RCAN2: variants seen among roughly 807,000 people sequenced by gnomAD.
RCAN2 encodes calcipressin-2.
RCAN2 carries 9 observed loss-of-function variants against 23.6 expected under a neutral mutation model. That is an observed-to-expected ratio of 0.38 (90% CI 0.23 to 0.67). RCAN2 has a LOEUF of 0.67. Ranked by LOEUF, RCAN2 falls within the 30% of genes least tolerant of loss-of-function variation. RCAN2 has a pLI of 0.51. For synonymous variants in RCAN2, 109 were observed against 115.7 expected (o/e 0.94, Z 0.37); for missense variants, 273 against 302.3 (o/e 0.90, Z 0.72).
At chr6:46,335,343 C>T (rs1231976786) in intron 2 of RCAN2, among the ~76,000 whole-genome samples, 1 of 152,178 alleles carries the variant, frequency 6.6e-6, no homozygotes, top group Non-Finnish European at 1.5e-5. Flanking sequence ...TTCAACTCTT[C>T]CTTTGGTTAT....
chr6:46,386,521 T>C (rs1427528920), intron 2 of RCAN2, among the ~76,000 whole-genome samples: 3 of 150,030 alleles, frequency 2.0e-5, no homozygotes, highest in Admixed American at 6.7e-5. Context: ...GGCAGGAGAA[T>C]TGCTTGAACT....
rs1764544377 is a variant in RCAN2, at chr6:46,348,141, A to G, written c.226-99245T>C. 2.0e-5 allele frequency among the ~76,000 whole-genome samples: 3 copies of G among 152,146 alleles called. No individual in the cohort carries two copies. The South Asian group carries it at 6.2e-4, about 32-fold the overall frequency. On this transcript the variant is annotated intron_variant, in intron 2 of 4. Transcript: ENST00000371374. Reference sequence around the variant, plus strand: ...TGAAATCATGTTTGTGTCTCTTTTTATGTTAAGGAAATTAAATAACCATTT... The same window carrying G: ...TGAAATCATGTTTGTGTCTCTTTTTGTGTTAAGGAAATTAAATAACCATTT...
chr6:46,459,351 A>T (rs1047469462), intron 1 of RCAN2, among the ~76,000 whole-genome samples: 2 of 152,250 alleles, frequency 1.3e-5, no homozygotes, highest in Non-Finnish European at 2.9e-5. Context: ...TGTTGTAAGA[A>T]TGTTTCAATT....
At chr6:46,314,862 A>G (rs994218615) in intron 2 of RCAN2, among the ~76,000 whole-genome samples, 17 of 152,116 alleles carry the variant, frequency 1.1e-4, no homozygotes, top group South Asian at 8.3e-4. Context: ...GGAGTTCAAG[A>G]CCAGCCTGGG....
intron 4 of RCAN2, among the ~76,000 whole-genome samples, chr6:46,229,659 T>G (rs1765808602): frequency 6.6e-6 from 1 of 152,226 alleles, no homozygotes; most frequent in Non-Finnish European, 1.5e-5. Flanking sequence ...TTATTCTAGT[T>G]AGCCATTTGT....
chr6:46,329,569 G>A (rs1763896501), intron 2 of RCAN2, among the ~76,000 whole-genome samples: 1 of 152,088 alleles, frequency 6.6e-6, no homozygotes, highest in South Asian at 2.1e-4. Flanking sequence ...ATCTAAAAAG[G>A]CAAGTAGAGA....
chr6:46,367,627 A>G (rs1765211996), intron 2 of RCAN2, among the ~76,000 whole-genome samples: 1 of 152,178 alleles, frequency 6.6e-6, no homozygotes, highest in Non-Finnish European at 1.5e-5. Flanking sequence ...TGTCTTATCA[A>G]GGGTAATGGA....
chr6:46,368,431 T>G (rs750496743), intron 2 of RCAN2, among the ~76,000 whole-genome samples: 2 of 152,178 alleles, frequency 1.3e-5, no homozygotes, highest in Non-Finnish European at 2.9e-5. Context: ...GCATTAAGCA[T>G]ACAGTCATGC....
chr6:46,348,115 T>C (rs946018988), intron 2 of RCAN2, among the ~76,000 whole-genome samples: 11 of 152,174 alleles, frequency 7.2e-5, no homozygotes, highest in South Asian at 2.1e-4. Context: ...AGTAACCCAA[T>C]TGAAATCATG....
chr6:46,273,498 C>A (rs1340518396), intron 2 of RCAN2, among the ~76,000 whole-genome samples: 1 of 152,146 alleles, frequency 6.6e-6, no homozygotes, highest in Non-Finnish European at 1.5e-5. Context: ...TACCACTTTT[C>A]AGATGAAGAA....
At chr6:46,323,385 T>TA (rs59759519) in intron 2 of RCAN2, among the ~76,000 whole-genome samples, 1,609 of 128,616 alleles carry the variant, frequency 0.013, 25 homozygotes, top group African/African-American at 0.036. Context: ...GTAACCTTTC[T>TA]AAAAAAAAAA....
At chr6:46,368,026 G>T (rs909154639) in intron 2 of RCAN2, among the ~76,000 whole-genome samples, 1 of 152,158 alleles carries the variant, frequency 6.6e-6, no homozygotes, top group Non-Finnish European at 1.5e-5. Flanking sequence ...TAGAGCCAAA[G>T]TTGGCAGGCA....
chr6:46,456,858 C>A lies in RCAN2; in HGVS notation c.119G>T (p.Cys40Phe), dbSNP rs1185467748. The change falls in exon 2 of 5, where the codon TGT becomes TTT. Residue 40 changes from cysteine (C) to phenylalanine (F), a missense_variant. By Grantham distance (205) the Cys-to-Phe change is radical (BLOSUM62 -2). Coordinates refer to ENST00000371374, the MANE Select transcript of RCAN2 (RefSeq NM_001251974.2). ...CIDRDWAVTR[C>F]FAEEAFQAIT... is the part of the protein sequence containing the mutation. ...TGCTTGAAAGGCTTCTTCTGCAAAA[C>A]AACGAGTGACAGCCCAGTCCCTGTC... 2 of 1,550,688 alleles carry A rather than the reference C, an allele frequency of 1.3e-6. No individual in the cohort carries two copies. The highest frequency in any genetic ancestry group is 3.9e-5 in the Admixed American group (2 of 51,010).
chr6:46,409,309 A>G (rs369290456), intron 2 of RCAN2, among the ~76,000 whole-genome samples: 58 of 152,362 alleles, frequency 3.8e-4, no homozygotes, highest in Non-Finnish European at 7.2e-4. Flanking sequence ...TAACCAAATC[A>G]GAAATATAAT....
chr6:46,368,593 G>A (rs1475608011), intron 2 of RCAN2, among the ~76,000 whole-genome samples: 1 of 152,100 alleles, frequency 6.6e-6, no homozygotes, highest in Non-Finnish European at 1.5e-5. Flanking sequence ...AAACCTGTGT[G>A]GCATGTTACT....
intron 2 of RCAN2, among the ~76,000 whole-genome samples, chr6:46,357,112 G>A (rs1764855538): frequency 6.6e-6 from 1 of 152,186 alleles, no homozygotes; most frequent in African/African-American, 2.4e-5. Context: ...ATATCAGGCT[G>A]CCTCTGCCAA....
chr6:46,360,449 G>A (rs1353180328), intron 2 of RCAN2, among the ~76,000 whole-genome samples: 1 of 148,606 alleles, frequency 6.7e-6, no homozygotes, highest in Non-Finnish European at 1.5e-5. Flanking sequence ...CAGGAGAATG[G>A]TGTGAACCCG....
chr6:46,353,315 T>A (rs1419219814), intron 2 of RCAN2, among the ~76,000 whole-genome samples: 1 of 152,026 alleles, frequency 6.6e-6, no homozygotes, highest in Non-Finnish European at 1.5e-5. Context: ...ATCGTGTACC[T>A]GAAAACCCAG....
At chr6:46,267,916 A>G (rs895631888) in intron 2 of RCAN2, among the ~76,000 whole-genome samples, 2 of 152,184 alleles carry the variant, frequency 1.3e-5, no homozygotes, top group Admixed American at 6.5e-5. Flanking sequence ...TAATTTAAAA[A>G]CAACCTGAGC....
Sources: gnomAD v4.1 joint callset for allele counts (sites outside exome capture counted in the v4.1 genomes callset) on GRCh38, gnomAD v4.1.1 for gene constraint, MANE v1.5 for transcripts, NCBI Gene and HGNC (gene_info 2026-07-23, HGNC 2026-07-21) for gene names.